Variants in ZRANB3 observed in about 807,000 individuals in gnomAD.
The protein encoded by ZRANB3 is zinc finger RANBP2-type containing 3, also known as DNA annealing helicase and endonuclease ZRANB3.
In ZRANB3, 125 loss-of-function variants were observed where a neutral mutation model predicts 133.8. The observed-to-expected ratio is 0.93, with a 90% CI of 0.81 to 1.08. The LOEUF (loss-of-function observed/expected upper bound fraction) is 1.08, where lower values mean the gene tolerates loss of function less well. Among genes scored for constraint, ZRANB3 ranks in the 50% least tolerant of loss-of-function variants. The pLI is 0.00. For missense variants in ZRANB3, 1,229 were observed against 1,275.5 expected, an observed-to-expected ratio of 0.96 and a Z score of 0.56; for synonymous variants, 387 against 432.7, an observed-to-expected ratio of 0.89 and a Z score of 1.31.
At chr2:135,242,464 T>A (rs919357152) in intron 12 of ZRANB3, among the ~76,000 whole-genome samples, 5 of 151,808 alleles carry the variant, frequency 3.3e-5, no homozygotes, top group African/African-American at 9.7e-5. Context: ...CTTTCTTTTT[T>A]TTTTTTTAAA....
intron 2 of ZRANB3, among the ~76,000 whole-genome samples, chr2:135,486,199 T>C (rs1184570463): frequency 6.6e-6 from 1 of 152,218 alleles, no homozygotes; most frequent in African/African-American, 2.4e-5. Context: ...CATACACTGC[T>C]GTTTGAAAGC....
chr2:135,380,614 A>C (rs1479343801), intron 3 of ZRANB3, among the ~76,000 whole-genome samples: 1 of 152,200 alleles, frequency 6.6e-6, no homozygotes, highest in Non-Finnish European at 1.5e-5. Context: ...TTTGAAACCA[A>C]TGAGAAAAAA....
chr2:135,429,182 C>T (rs1223546503), intron 2 of ZRANB3, among the ~76,000 whole-genome samples: 1 of 152,202 alleles, frequency 6.6e-6, no homozygotes, highest in East Asian at 1.9e-4. Context: ...GGTACATATA[C>T]ATTATGCAAT....
At chr2:135,238,647 G>C (rs1388108768) in intron 12 of ZRANB3, 2 of 152,378 alleles carry the variant, frequency 1.3e-5, no homozygotes, top group Admixed American at 1.3e-4. Context: ...TTACAGGCGT[G>C]AGCCACCGTG....
chr2:135,384,106 TAAAG>T (rs1686850391), intron 3 of ZRANB3, among the ~76,000 whole-genome samples: 1 of 151,456 alleles, frequency 6.6e-6, no homozygotes, highest in Non-Finnish European at 1.5e-5. Context: ...GCAAGACTAA[TAAAG>T]AAGAAAAGAG....
intron 8 of ZRANB3, among the ~76,000 whole-genome samples, chr2:135,276,922 T>A (rs911996451): frequency 1.3e-5 from 2 of 152,174 alleles, no homozygotes; most frequent in Admixed American, 6.5e-5. Context: ...TTTAAGTAGT[T>A]GATTATGTGC....
chr2:135,281,305 A>G (rs969470362), intron 8 of ZRANB3, among the ~76,000 whole-genome samples: 2 of 152,120 alleles, frequency 1.3e-5, no homozygotes, highest in Non-Finnish European at 2.9e-5. Flanking sequence ...TCAGAACCCA[A>G]TCAAATGATA....
intron 8 of ZRANB3, among the ~76,000 whole-genome samples, chr2:135,307,254 T>C (rs1682752228): frequency 6.6e-6 from 1 of 151,952 alleles, no homozygotes; most frequent in African/African-American, 2.4e-5. Context: ...TCAGTAGAGA[T>C]GGGTTTTTGC....
At chr2:135,434,437 G>A (rs1689444674) in intron 2 of ZRANB3, among the ~76,000 whole-genome samples, 1 of 152,186 alleles carries the variant, frequency 6.6e-6, no homozygotes, top group African/African-American at 2.4e-5. Flanking sequence ...AATAAAGCCA[G>A]TTTTACACTG....
At chr2:135,422,222 G>A (rs903810780) in intron 2 of ZRANB3, among the ~76,000 whole-genome samples, 2 of 151,866 alleles carry the variant, frequency 1.3e-5, no homozygotes, top group African/African-American at 4.8e-5. Context: ...AAATTCCTGA[G>A]ACAGTAATCT....
At chr2:135,301,683 C>T (rs1682438196) in intron 8 of ZRANB3, among the ~76,000 whole-genome samples, 1 of 152,200 alleles carries the variant, frequency 6.6e-6, no homozygotes, top group African/African-American at 2.4e-5. Context: ...CCATTTTACT[C>T]CCTCCCTCTG....
chr2:135,496,758 GT>G (rs1692691566), intron 2 of ZRANB3, among the ~76,000 whole-genome samples: 2 of 152,304 alleles, frequency 1.3e-5, no homozygotes, highest in Non-Finnish European at 2.9e-5. Context: ...TTCTCTGGTA[GT>G]CAGCTAATCC....
chr2:135,316,983 A>AAAATATAT (rs35114507), intron 6 of ZRANB3, among the ~76,000 whole-genome samples: 4 of 131,472 alleles, frequency 3.0e-5, no homozygotes, highest in African/African-American at 1.3e-4. Flanking sequence ...AAAAAAAAAA[A>AAAATATAT]ATATATATAT....
intron 2 of ZRANB3, among the ~76,000 whole-genome samples, chr2:135,432,553 G>A (rs947757336): frequency 2.0e-5 from 3 of 152,054 alleles, no homozygotes; most frequent in African/African-American, 4.8e-5. Flanking sequence ...TAAACTTTAT[G>A]GTTTTAAGAG....
chr2:135,381,373 C>T (rs1231076557), intron 3 of ZRANB3, among the ~76,000 whole-genome samples: 1 of 152,174 alleles, frequency 6.6e-6, no homozygotes, highest in African/African-American at 2.4e-5. Context: ...AGGGCGGAGC[C>T]CACGGCAGTT....
intron 3 of ZRANB3, among the ~76,000 whole-genome samples, chr2:135,384,694 C>A (rs1284876312): frequency 6.6e-6 from 1 of 152,140 alleles, no homozygotes; most frequent in African/African-American, 2.4e-5. Context: ...TCAACATATG[C>A]AAATCAATAA....
At chr2:135,464,744 C>A (rs1347697835) in intron 2 of ZRANB3, among the ~76,000 whole-genome samples, 1 of 152,166 alleles carries the variant, frequency 6.6e-6, no homozygotes. Context: ...AAGCCATGTA[C>A]GTATTCCACA....
chr2:135,515,867 T>C (rs1293451334), intron 1 of ZRANB3, among the ~76,000 whole-genome samples: 2 of 152,200 alleles, frequency 1.3e-5, no homozygotes, highest in East Asian at 1.9e-4. Context: ...CTGTCTAATA[T>C]TGACAGTGGG....
At chr2:135,207,191 T>TA (rs1212661843) in intron 19 of ZRANB3, among the ~76,000 whole-genome samples, 1,523 of 149,532 alleles carry the variant, frequency 0.01, 23 homozygotes, top group African/African-American at 0.035. Flanking sequence ...AATAAATAAA[T>TA]AATAAATAAA....
Sources: allele counts gnomAD v4.1 joint callset (sites outside exome capture counted in the v4.1 genomes callset), GRCh38; gene constraint gnomAD v4.1.1; transcripts MANE v1.5; gene names NCBI Gene and HGNC (gene_info 2026-07-23, HGNC 2026-07-21).